Variants in TIAM1 observed in about 807,000 individuals in gnomAD.
TIAM1 encodes the protein rho guanine nucleotide exchange factor TIAM1.
TIAM1 carries 65 observed loss-of-function variants against 163.5 expected under a neutral mutation model. The ratio of observed to expected loss-of-function variants is 0.40; its 90% confidence interval spans 0.33 to 0.49. TIAM1 has a LOEUF of 0.49. TIAM1 is among the 20% of genes least tolerant of loss of function. TIAM1 has a pLI of 0.77. For missense variants in TIAM1, 1,789 were observed against 2,044.7 expected (o/e 0.87, Z 2.41); for synonymous variants, 833 against 810.1 (o/e 1.03, Z -0.48).
At position 31,487,939 on chromosome 21, in the gene TIAM1, G is replaced by A. The variant is rs541984491; in HGVS notation, c.-421-23904C>T. The stretch of plus-strand genomic sequence containing the variant: ...GCATCTGGGCTCAAGTGATCCGTCC[G>A]CCTTGGCCTCCCAAAGTGCTAGGAT... On this transcript the variant is annotated intron_variant, in intron 1 of 28. Transcript: ENST00000286827. Among the ~76,000 whole-genome samples, 14 of 152,226 alleles carry A rather than the reference G, an allele frequency of 9.2e-5. No homozygotes were observed. In the East Asian group the frequency reaches 1.2e-3, roughly 13 times the overall value.
At chr21:31,349,590 A>G (rs981991964) in intron 2 of TIAM1, among the ~76,000 whole-genome samples, 7 of 152,254 alleles carry the variant, frequency 4.6e-5, no homozygotes, top group Non-Finnish European at 7.3e-5. Flanking sequence ...CACTAGAAGT[A>G]AGATAATATA....
rs2072748027 is a variant in TIAM1, at chr21:31,266,168, T to A, written c.805A>T (p.Asn269Tyr). ...GCAGCAGCTGGTGGCATCTTATGGT[T>A]TGCAAGATTGGGAATATCAGACACC... ...NLVSDIPNLA[N>Y]HKMPPAAAEE... Residue 269 changes from asparagine (N) to tyrosine (Y), a missense_variant, in exon 4 of 28, where the codon AAC (asparagine) becomes TAC (tyrosine). Coordinates refer to ENST00000541036, the MANE Select transcript of TIAM1 (RefSeq NM_001353694.2). 1.2e-6 allele frequency: 2 copies of A among 1,614,046 alleles called. No homozygotes were observed.
chr21:31,435,540 C>T (rs1285401983), intron 2 of TIAM1, among the ~76,000 whole-genome samples: 4 of 152,250 alleles, frequency 2.6e-5, no homozygotes, highest in African/African-American at 4.8e-5. Context: ...AATTTTCATT[C>T]ACACAGCAAC....
intron 1 of TIAM1, among the ~76,000 whole-genome samples, chr21:31,554,963 C>G (rs921155273): frequency 3.0e-4 from 46 of 152,174 alleles, no homozygotes; most frequent in Admixed American, 2.0e-3. Context: ...CAGGGAAGGT[C>G]TTATGCTGGA....
chr21:31,367,797 T>A (rs1377637951), intron 2 of TIAM1, among the ~76,000 whole-genome samples: 1 of 152,224 alleles, frequency 6.6e-6, no homozygotes, highest in African/African-American at 2.4e-5. Context: ...GTGTTGGTAT[T>A]ATATTTTCCA....
intron 19 of TIAM1, among the ~76,000 whole-genome samples, chr21:31,147,262 T>G (rs529630533): frequency 2.6e-5 from 4 of 152,314 alleles, no homozygotes; most frequent in African/African-American, 9.6e-5. Context: ...TTTCCAGGTC[T>G]GTGTCTTTTA....
At chr21:31,506,501 A>G (rs1205574741) in intron 1 of TIAM1, among the ~76,000 whole-genome samples, 1 of 152,190 alleles carries the variant, frequency 6.6e-6, no homozygotes, top group Admixed American at 6.5e-5. Context: ...ACTCCCTTGA[A>G]TTTCACTACT....
chr21:31,487,945 G>A (rs1422057177), intron 1 of TIAM1, among the ~76,000 whole-genome samples: 2 of 152,158 alleles, frequency 1.3e-5, no homozygotes, highest in Non-Finnish European at 2.9e-5. Flanking sequence ...GTCCGCCTTG[G>A]CCTCCCAAAG....
At chr21:31,555,226 A>C (rs1193724068) in intron 1 of TIAM1, among the ~76,000 whole-genome samples, 1 of 151,456 alleles carries the variant, frequency 6.6e-6, no homozygotes, top group East Asian at 1.9e-4. Flanking sequence ...GCTTATATAA[A>C]ATGGAGTACT....
chr21:31,139,502 ATTAAT>A (rs2082750948), intron 22 of TIAM1, among the ~76,000 whole-genome samples: 7 of 152,212 alleles, frequency 4.6e-5, no homozygotes, highest in Admixed American at 4.6e-4. Flanking sequence ...ATACATAGAT[ATTAAT>A]TTAAAACAAT....
chr21:31,462,651 A>G (rs1443250698), intron 2 of TIAM1, among the ~76,000 whole-genome samples: 5 of 152,048 alleles, frequency 3.3e-5, no homozygotes, highest in East Asian at 3.9e-4. Context: ...GCAACATTCC[A>G]TCATGGGGTT....
intron 1 of TIAM1, among the ~76,000 whole-genome samples, chr21:31,535,417 C>T (rs2048102555): frequency 7.1e-6 from 1 of 140,238 alleles, no homozygotes; most frequent in South Asian, 2.3e-4. Flanking sequence ...AAAAGTTTAT[C>T]CAGAAAGTTC....
intron 20 of TIAM1, among the ~76,000 whole-genome samples, chr21:31,146,170 G>C (rs8129996): frequency 0.087 from 13,224 of 152,098 alleles, 605 homozygotes; most frequent in Non-Finnish European, 0.097. Context: ...CAAGATATTG[G>C]CCAGGTAATC....
intron 2 of TIAM1, among the ~76,000 whole-genome samples, chr21:31,404,536 C>A (rs2077216112): frequency 7.1e-6 from 1 of 139,934 alleles, no homozygotes; most frequent in African/African-American, 2.6e-5. Flanking sequence ...CCAGTATGGT[C>A]TTTTTTTTTT....
chr21:31,242,860 C>CAAAAAAA (rs11417948), intron 6 of TIAM1, among the ~76,000 whole-genome samples: 7 of 94,866 alleles, frequency 7.4e-5, no homozygotes, highest in South Asian at 3.6e-4. Context: ...GACTCTGTCT[C>CAAAAAAA]AAAAAAAAAA....
At chr21:31,235,473 T>C (rs1218790741) in intron 6 of TIAM1, among the ~76,000 whole-genome samples, 1 of 152,220 alleles carries the variant, frequency 6.6e-6, no homozygotes, top group East Asian at 1.9e-4. Flanking sequence ...CACAGCTAAA[T>C]GTTCATCTAT....
At chr21:31,275,673 C>T (rs893309098) in intron 3 of TIAM1, among the ~76,000 whole-genome samples, 2 of 152,136 alleles carry the variant, frequency 1.3e-5, no homozygotes, top group African/African-American at 2.4e-5. Flanking sequence ...CCTAAATATA[C>T]GGAAGTTTTC....
At chr21:31,358,178 A>G (rs12483235) in intron 2 of TIAM1, among the ~76,000 whole-genome samples, 2,934 of 152,314 alleles carry the variant, frequency 0.019, 32 homozygotes, top group African/African-American at 0.033. Flanking sequence ...TGGTGACTGA[A>G]TGAGGCAGGG....
chr21:31,443,013 CAT>C (rs2044491643), intron 2 of TIAM1, among the ~76,000 whole-genome samples: 1 of 152,198 alleles, frequency 6.6e-6, no homozygotes, highest in Non-Finnish European at 1.5e-5. Flanking sequence ...CTCCTATGTA[CAT>C]GTTACCCAGG....
Sources: allele counts gnomAD v4.1 joint callset (sites outside exome capture counted in the v4.1 genomes callset), GRCh38; gene constraint gnomAD v4.1.1; transcripts MANE v1.5; gene names NCBI Gene and HGNC (gene_info 2026-07-23, HGNC 2026-07-21).